The following WDFY1 variants were observed in gnomAD, a reference collection of about 807,000 sequenced individuals.
WDFY1 encodes WD repeat and FYVE domain-containing protein 1.
A neutral mutation model predicts 56.4 loss-of-function variants in WDFY1; 32 were observed. The ratio of observed to expected loss-of-function variants is 0.57; its 90% confidence interval spans 0.43 to 0.76. The LOEUF is 0.76. Among genes scored for constraint, WDFY1 ranks in the 30% least tolerant of loss-of-function variants. The pLI, the probability that WDFY1 is intolerant of heterozygous loss-of-function variation, is 0.00. For missense variants in WDFY1, 480 were observed against 545.7 expected (o/e 0.88, Z 1.20); for synonymous variants, 192 against 197.3 (o/e 0.97, Z 0.23).
At position 223,882,086 on chromosome 2, in the gene WDFY1, C is replaced by T. The variant is rs375874389; in HGVS notation, c.934-14G>A. On this transcript the variant is annotated splice_polypyrimidine_tract_variant and intron_variant, in intron 9 of 11. Transcript: ENST00000233055. ...CCTGCAGTGATGCTTCACAGGTGAC[C>T]GGGAGGAGGAAAACAGGGTGTTAGC... The T allele has an allele frequency of 2.5e-6, 4 of 1,610,424 alleles. No homozygotes were observed. Among genetic ancestry groups the T allele is most frequent in the Admixed American group, 1.7e-5 (1 of 59,656 alleles).
At position 223,899,043 on chromosome 2, in the gene WDFY1, G is replaced by A. The variant is rs766271709; in HGVS notation, c.513C>T (p.Phe171=). The part of the protein sequence containing the change: ...LQYDFDTQYA[F]VGDYSGQITL... ...TGATCTGCCCAGAATAATCACCAAC[G>A]AAAGCATACTGAGTGTCAAAGTCAT... Residue 171 remains phenylalanine (F), a synonymous_variant, in exon 6 of 12, where the codon TTC becomes TTT. Coordinates refer to ENST00000233055, the MANE Select transcript of WDFY1 (RefSeq NM_020830.5). The A allele has an allele frequency of 1.1e-5, 17 of 1,613,968 alleles. No individual in the cohort carries two copies. Among genetic ancestry groups the A allele is most frequent in the Middle Eastern group, 1.6e-4 (1 of 6,084 alleles).
At chr2:223,927,454 T>C (rs901380401) in intron 1 of WDFY1, among the ~76,000 whole-genome samples, 8 of 152,238 alleles carry the variant, frequency 5.3e-5, no homozygotes, top group African/African-American at 1.9e-4. Context: ...TCCTTAAACC[T>C]AATGTGCCAA....
chr2:223,904,809 G>A (rs1369232317), intron 4 of WDFY1, among the ~76,000 whole-genome samples: 2 of 152,136 alleles, frequency 1.3e-5, no homozygotes, highest in Non-Finnish European at 2.9e-5. Flanking sequence ...TTGCTCTGAT[G>A]GGAATCCACA....
At chr2:223,908,760 G>C (rs1404552295) in intron 3 of WDFY1, among the ~76,000 whole-genome samples, 1 of 152,120 alleles carries the variant, frequency 6.6e-6, no homozygotes, top group Admixed American at 6.5e-5. Context: ...CCCAAGGTCG[G>C]TTCTCAAAAC....
chr2:223,929,946 T>C (rs1426830304), intron 1 of WDFY1, among the ~76,000 whole-genome samples: 3 of 152,256 alleles, frequency 2.0e-5, no homozygotes, highest in Non-Finnish European at 4.4e-5. Flanking sequence ...AGTAAAACTT[T>C]TTTAAAGGCT....
At chr2:223,928,462 T>C (rs998860177) in intron 1 of WDFY1, among the ~76,000 whole-genome samples, 1 of 152,044 alleles carries the variant, frequency 6.6e-6, no homozygotes, top group Non-Finnish European at 1.5e-5. Flanking sequence ...AGAGAAAAGA[T>C]ACGGAGGCTG....
chr2:223,904,168 T>C (rs991014007), intron 4 of WDFY1, among the ~76,000 whole-genome samples: 4 of 152,240 alleles, frequency 2.6e-5, no homozygotes, highest in African/African-American at 7.2e-5. Context: ...AGTGTTATCA[T>C]TCATTGTTAC....
At position 223,882,061 on chromosome 2, in the gene WDFY1, C is replaced by T. The variant is rs757297641; in HGVS notation, c.945G>A (p.Arg315=). ...TCCCGCAGACAGCCTGCCCGCATTTCCTGCAGTGATGCTTCACAGGTGACC... is the reference window on the plus strand; with the variant it reads ...TCCCGCAGACAGCCTGCCCGCATTTTCTGCAGTGATGCTTCACAGGTGACC... ...KTLGLRQHHC[R]KCGQAVCGKC... Residue 315 remains arginine (R), a synonymous_variant, in exon 10 of 12, where the codon AGG becomes AGA. Coordinates refer to ENST00000233055, the MANE Select transcript of WDFY1 (RefSeq NM_020830.5). The T allele has an allele frequency of 6.2e-7, 1 of 1,613,608 alleles. No individual in the cohort carries two copies.
chr2:223,936,461 T>C (rs962236502), intron 1 of WDFY1, among the ~76,000 whole-genome samples: 2 of 152,152 alleles, frequency 1.3e-5, no homozygotes, highest in Non-Finnish European at 1.5e-5. Flanking sequence ...AGGAGATTAG[T>C]GGGACAGATC....
At chr2:223,906,951 CTACCATTAT>C (rs941221200) in intron 3 of WDFY1, among the ~76,000 whole-genome samples, 12 of 79,918 alleles carry the variant, frequency 1.5e-4, no homozygotes, top group African/African-American at 5.9e-4. Context: ...CGAATTACTA[CTACCATTAT>C]TATTATTATT....
chr2:223,878,656 C>T lies in WDFY1; in HGVS notation c.*15G>A, dbSNP rs571111. 0.51 allele frequency: 815,897 copies of T among 1,606,978 alleles called. 211,194 individuals carry two copies. The highest frequency in any genetic ancestry group is 0.54 in the Middle Eastern group (3,253 of 6,046). On this transcript the variant is annotated 3_prime_UTR_variant, in exon 12 of 12. Transcript: ENST00000233055. ...AGCTGCTGTTCTTAGGTGTGGACGC[C>T]GCCCAGCTCTCAGATCAGTGCGGAG... is the stretch of plus-strand genomic sequence containing the variant.
chr2:223,890,091 G>T (rs60372456), intron 8 of WDFY1, among the ~76,000 whole-genome samples: 4,471 of 152,292 alleles, frequency 0.029, 211 homozygotes, highest in African/African-American at 0.1. Flanking sequence ...ACCTATGGGG[G>T]TCTCCAAACA....
chr2:223,916,319 G>T (rs1693787786), intron 2 of WDFY1, among the ~76,000 whole-genome samples: 1 of 152,188 alleles, frequency 6.6e-6, no homozygotes, highest in African/African-American at 2.4e-5. Flanking sequence ...GTGCCTGAAA[G>T]GATGACTCAA....
At chr2:223,906,382 G>A (rs996497103) in intron 3 of WDFY1, among the ~76,000 whole-genome samples, 1 of 152,112 alleles carries the variant, frequency 6.6e-6, no homozygotes, top group Non-Finnish European at 1.5e-5. Flanking sequence ...CACTAACAGA[G>A]CTCTCAGCTA....
At chr2:223,934,792 G>T (rs1445073534) in intron 1 of WDFY1, among the ~76,000 whole-genome samples, 1 of 152,086 alleles carries the variant, frequency 6.6e-6, no homozygotes, top group Non-Finnish European at 1.5e-5. Context: ...AAGTGCTGGG[G>T]TTACAGGCAT....
At chr2:223,893,755 C>T (rs529907204) in intron 8 of WDFY1, among the ~76,000 whole-genome samples, 2 of 152,148 alleles carry the variant, frequency 1.3e-5, no homozygotes, top group Non-Finnish European at 2.9e-5. Flanking sequence ...TCGACATGGC[C>T]TCAGTGAACT....
intron 1 of WDFY1, among the ~76,000 whole-genome samples, chr2:223,943,890 G>A (rs1188483111): frequency 2.6e-5 from 4 of 152,172 alleles, no homozygotes; most frequent in African/African-American, 9.7e-5. Context: ...TGAGAAAACT[G>A]GACCCAATCA....
At chr2:223,907,131 C>T (rs1216545023) in intron 3 of WDFY1, among the ~76,000 whole-genome samples, 1 of 151,938 alleles carries the variant, frequency 6.6e-6, no homozygotes, top group African/African-American at 2.4e-5. Context: ...CATGCCACCA[C>T]ACCCGGCTAA....
At position 223,877,724 on chromosome 2, in the gene WDFY1, G is replaced by C. The variant is rs1432178829; in HGVS notation, c.*947C>G. ...TAAAAGCTGTGGAGTGCTTTTGTAG[G>C]GGGTATATTAAATTGCCAGAATATT... On this transcript the variant is annotated 3_prime_UTR_variant, in exon 12 of 12. Transcript: ENST00000233055. 6.6e-6 allele frequency: 1 copy of C among 152,544 alleles called. No individual in the cohort carries two copies. The highest frequency in any genetic ancestry group is 1.5e-5 in the Non-Finnish European group (1 of 68,044). 9.4% of individuals were successfully genotyped at this position (152,544 alleles called of 1,614,324 possible). A position where few individuals can be genotyped will look rare whatever the true frequency, so the allele number is the denominator to read the frequency against.
Sources: allele counts gnomAD v4.1 joint callset (sites outside exome capture counted in the v4.1 genomes callset), GRCh38; gene constraint gnomAD v4.1.1; transcripts MANE v1.5; gene names NCBI Gene and HGNC (gene_info 2026-07-23, HGNC 2026-07-21).